The following PTPRQ variants were observed in gnomAD, a reference collection of about 807,000 sequenced individuals.
The protein encoded by PTPRQ is protein tyrosine phosphatase receptor type Q.
PTPRQ carries 199 observed loss-of-function variants against 246.0 expected under a neutral mutation model. The observed-to-expected ratio is 0.81, with a 90% CI of 0.72 to 0.91. PTPRQ has a LOEUF of 0.91. Among genes scored for constraint, PTPRQ ranks in the 40% least tolerant of loss-of-function variants. PTPRQ has a pLI of 0.00. For synonymous variants in PTPRQ, 869 were observed against 853.2 expected, an observed-to-expected ratio of 1.02 and a Z score of -0.32; for missense variants, 2,624 against 2,528.4, an observed-to-expected ratio of 1.04 and a Z score of -0.81.
chr12:80,477,845 G>A (rs896508317), intron 8 of PTPRQ, among the ~76,000 whole-genome samples: 1 of 152,214 alleles, frequency 6.6e-6, no homozygotes, highest in Non-Finnish European at 1.5e-5. Flanking sequence ...GGCGCACCAC[G>A]AGATTATATC....
chr12:80,580,267 T>C (rs998816795), intron 25 of PTPRQ, among the ~76,000 whole-genome samples: 3 of 152,196 alleles, frequency 2.0e-5, no homozygotes, highest in Admixed American at 6.5e-5. Flanking sequence ...ATAAGAATAA[T>C]TTATGAATAA....
intron 33 of PTPRQ, among the ~76,000 whole-genome samples, chr12:80,626,514 T>A (rs1473974655): frequency 6.6e-6 from 1 of 152,226 alleles, no homozygotes; most frequent in Non-Finnish European, 1.5e-5. Flanking sequence ...AACTCATGCA[T>A]CTTCACTGCA....
chr12:80,605,149 G>A lies in PTPRQ; in HGVS notation c.4700G>A (p.Gly1567Glu). 6.5e-7 allele frequency: 1 copy of A among 1,543,940 alleles called. No homozygotes were observed. Among genetic ancestry groups the A allele is most frequent in the Non-Finnish European group, 8.8e-7 (1 of 1,142,638 alleles). ...ISWSEPAVITGPTCYLIDVKS... is the reference protein window; with the variant it reads ...ISWSEPAVITEPTCYLIDVKS... ...TGGAGTGAACCTGCTGTCATTACTG[G>A]ACCAACATGTTATCTGATTGATGTC... Residue 1567 changes from glycine to glutamate, a missense_variant, in exon 27 of 45, where the codon GGA becomes GAA. Transcript: ENST00000644991.
At chr12:80,624,977 G>A (rs1244918185) in intron 33 of PTPRQ, among the ~76,000 whole-genome samples, 2 of 152,148 alleles carry the variant, frequency 1.3e-5, no homozygotes, top group African/African-American at 4.8e-5. Flanking sequence ...GTTGTCCTGG[G>A]CCACATGCAG....
intron 17 of PTPRQ, among the ~76,000 whole-genome samples, chr12:80,529,164 T>C (rs530975475): frequency 3.7e-4 from 56 of 152,136 alleles, no homozygotes; most frequent in Non-Finnish European, 6.6e-4. Context: ...AAGTACAACA[T>C]CGAAGAGTAG....
Position 80,481,958 on chromosome 12 carries a change from A to T in PTPRQ, c.1187-2475A>T, listed in dbSNP as rs1214753704. Among the ~76,000 whole-genome samples the T allele has an allele frequency of 6.6e-5, 9 of 135,998 alleles. No individual in the cohort carries two copies. The East Asian group carries it at 1.6e-3, about 24-fold the overall frequency. The allele number at this position is 135,998 out of a possible 152,430, so 89.2% of individuals were successfully genotyped here. ...GAAAATGGCCATACTGCCCAAGGTA[A>T]TTTACAGATTCAATGCCATCCCCAT... On this transcript the variant is annotated intron_variant, in intron 8 of 44. Coordinates refer to ENST00000644991, the MANE Select transcript of PTPRQ (RefSeq NM_001145026.2).
At chr12:80,448,770 A>C (rs1383555772) in intron 3 of PTPRQ, among the ~76,000 whole-genome samples, 5 of 148,582 alleles carry the variant, frequency 3.4e-5, no homozygotes, top group Non-Finnish European at 5.9e-5. Flanking sequence ...AATCCAGTCT[A>C]TCATTGTTGG....
intron 17 of PTPRQ, among the ~76,000 whole-genome samples, chr12:80,523,576 A>T (rs1417166732): frequency 6.6e-6 from 1 of 152,038 alleles, no homozygotes; most frequent in Non-Finnish European, 1.5e-5. Flanking sequence ...CTTTGTTCTC[A>T]TTGGTTTCAA....
At chr12:80,558,261 G>A (rs915059683) in intron 25 of PTPRQ, among the ~76,000 whole-genome samples, 1 of 151,120 alleles carries the variant, frequency 6.6e-6, no homozygotes, top group Non-Finnish European at 1.5e-5. Context: ...TCTGCCTCCC[G>A]GGTTCAAGTC....
intron 17 of PTPRQ, among the ~76,000 whole-genome samples, chr12:80,532,780 G>T (rs1895881491): frequency 6.6e-6 from 1 of 152,146 alleles, no homozygotes; most frequent in African/African-American, 2.4e-5. Flanking sequence ...GGCTAATCCT[G>T]CCTGTCTCCA....
intron 16 of PTPRQ, among the ~76,000 whole-genome samples, chr12:80,509,061 C>A (rs1256882899): frequency 3.3e-5 from 5 of 151,926 alleles, no homozygotes; most frequent in Non-Finnish European, 7.4e-5. Flanking sequence ...AGAGATAATT[C>A]TTATCTTGGG....
intron 19 of PTPRQ, among the ~76,000 whole-genome samples, chr12:80,538,719 G>C (rs1276050362): frequency 2.6e-5 from 4 of 151,772 alleles, no homozygotes; most frequent in African/African-American, 9.7e-5. Flanking sequence ...CTATAAATTT[G>C]GTAAATTTGC....
At chr12:80,629,445 G>T (rs1351371629) in intron 33 of PTPRQ, among the ~76,000 whole-genome samples, 1 of 152,162 alleles carries the variant, frequency 6.6e-6, no homozygotes, top group African/African-American at 2.4e-5. Flanking sequence ...AGATATACAA[G>T]GCATACACAC....
At chr12:80,569,339 T>C (rs1897074380) in intron 25 of PTPRQ, among the ~76,000 whole-genome samples, 1 of 143,228 alleles carries the variant, frequency 7.0e-6, no homozygotes, top group Non-Finnish European at 1.5e-5. Context: ...TATGTGCCCA[T>C]TTTCTTAATC....
chr12:80,475,943 C>G (rs1177781072), intron 8 of PTPRQ, among the ~76,000 whole-genome samples: 1 of 151,992 alleles, frequency 6.6e-6, no homozygotes, highest in East Asian at 1.9e-4. Context: ...TATTTGATAT[C>G]TAACACATTA....
intron 3 of PTPRQ, among the ~76,000 whole-genome samples, chr12:80,450,671 A>G (rs907967684): frequency 1.3e-4 from 20 of 152,106 alleles, no homozygotes; most frequent in African/African-American, 4.8e-4. Flanking sequence ...TTTATGTGCT[A>G]GATTACATTT....
intron 19 of PTPRQ, among the ~76,000 whole-genome samples, chr12:80,535,972 T>G: frequency 6.6e-6 from 1 of 152,158 alleles, no homozygotes; most frequent in East Asian, 1.9e-4. Flanking sequence ...CCAGGCGTCG[T>G]GGCAGGCGCC....
At chr12:80,497,895 C>T (rs1328877112) in intron 14 of PTPRQ, among the ~76,000 whole-genome samples, 1 of 151,976 alleles carries the variant, frequency 6.6e-6, no homozygotes, top group Non-Finnish European at 1.5e-5. Flanking sequence ...CAGCCAGATA[C>T]TATATACGAA....
In PTPRQ at chr12:80,484,536, C is replaced by T; in HGVS notation, c.1290C>T (p.Tyr430=). ...PRQPNGIINQ[Y]RVKVLVPETG... ...AACCAAATGGAATTATTAACCAATA[C>T]CGAGTGAAAGTGCTAGTTCCAGAGA... The change falls in exon 9 of 45, where the codon TAC becomes TAT. Residue 430 remains tyrosine, a synonymous_variant. Coordinates refer to ENST00000644991, the MANE Select transcript of PTPRQ (RefSeq NM_001145026.2). The T allele has an allele frequency of 6.4e-7, 1 of 1,551,082 alleles. No individual in the cohort carries two copies. Among genetic ancestry groups the T allele is most frequent in the Non-Finnish European group, 8.7e-7 (1 of 1,146,812 alleles).
Sources: allele counts gnomAD v4.1 joint callset (sites outside exome capture counted in the v4.1 genomes callset), GRCh38; gene constraint gnomAD v4.1.1; transcripts MANE v1.5; gene names NCBI Gene and HGNC (gene_info 2026-07-23, HGNC 2026-07-21).